Variants in POU1F1 observed in about 807,000 individuals in gnomAD.
POU1F1 encodes pituitary-specific positive transcription factor 1.
Under a neutral mutation model 32.3 loss-of-function variants are expected in POU1F1, and 23 were observed. That is an observed-to-expected ratio of 0.71 (90% confidence interval 0.51 to 1.01). The LOEUF (loss-of-function observed/expected upper bound fraction) is 1.01. Ranked by LOEUF, POU1F1 falls within the 50% of genes least tolerant of loss-of-function variation. The pLI is 0.00. For synonymous variants in POU1F1, 120 were observed against 115.6 expected (o/e 1.04, Z -0.25); for missense variants, 323 against 341.6 (o/e 0.95, Z 0.43).
At chr3:87,263,952 T>C (rs999453154) in intron 3 of POU1F1, among the ~76,000 whole-genome samples, 1 of 151,964 alleles carries the variant, frequency 6.6e-6, no homozygotes, top group Non-Finnish European at 1.5e-5. Context: ...GCAGAAGGGA[T>C]ACATGTCACT....
Position 87,266,253 on chromosome 3 carries a change from T to G in POU1F1, c.215-1741A>C, listed in dbSNP as rs192692461. Among the ~76,000 whole-genome samples, 989 of 146,554 alleles carry G rather than the reference T, an allele frequency of 6.7e-3. 10 individuals are homozygous for G. Among genetic ancestry groups the G allele is most frequent in the African/African-American group, 0.023 (935 of 40,514 alleles). On this transcript the variant is annotated intron_variant, in intron 2 of 5. Coordinates refer to ENST00000350375, the MANE Select transcript of POU1F1 (RefSeq NM_000306.4). ...TTAATTTATTTATATAAAATTTATATTTTATATAAATTTAATTTAATGTAT... is the reference window on the plus strand; with the variant it reads ...TTAATTTATTTATATAAAATTTATAGTTTATATAAATTTAATTTAATGTAT...
At chr3:87,272,797 C>A (rs1706751305) in intron 2 of POU1F1, among the ~76,000 whole-genome samples, 1 of 152,160 alleles carries the variant, frequency 6.6e-6, no homozygotes, top group Non-Finnish European at 1.5e-5. Flanking sequence ...CTCTTAGCTT[C>A]AATCAATGTC....
intron 4 of POU1F1, 108 bp from the exon 5 acceptor site, chr3:87,261,441 T>C: frequency 2.3e-6 from 2 of 857,500 alleles, no homozygotes; most frequent in South Asian, 3.3e-5. Flanking sequence ...AAAATAAAAA[T>C]GCTAGACATT....
intron 2 of POU1F1, among the ~76,000 whole-genome samples, chr3:87,264,957 G>T (rs1003568607): frequency 6.6e-6 from 1 of 151,966 alleles, no homozygotes. Context: ...TAAATGCTTC[G>T]GCTAAGTGCT....
chr3:87,264,396 G>C lies in POU1F1; in HGVS notation c.331C>G (p.Leu111Val), dbSNP rs1188058957. The C allele has an allele frequency of 2.5e-6, 4 of 1,613,612 alleles. No individual in the cohort carries two copies. In the African/African-American group the frequency reaches 5.3e-5, roughly 22 times the overall value. Residue 111 changes from leucine (L) to valine (V), a missense_variant, in exon 3 of 6, where the codon CTC (leucine) becomes GTC (valine). Physicochemically the swap from Leu to Val is conservative, Grantham distance 32. Transcript: ENST00000350375. ...DPTAADFKQELRRKSKLVEEP... is the reference protein window; with the variant it reads ...DPTAADFKQEVRRKSKLVEEP... ...TCCACCAATTTACTTTTCCGCCTGA[G>C]TTCCTGCTTGAAATCAGCAGCTGTG...
intron 3 of POU1F1, among the ~76,000 whole-genome samples, chr3:87,262,846 G>A (rs1054603261): frequency 3.3e-5 from 5 of 151,784 alleles, no homozygotes; most frequent in African/African-American, 9.7e-5. Flanking sequence ...ATTGTTTGTC[G>A]CAAACATTTT....
rs945106854 is a variant in POU1F1 at position 87,267,270 on chromosome 3, A to G, written c.215-2758T>C. 5.3e-5 allele frequency among the ~76,000 whole-genome samples: 8 copies of G among 152,266 alleles called. No homozygotes were observed. In the South Asian group the frequency reaches 6.2e-4, roughly 12 times the overall value. Reference sequence around the variant, plus strand: ...CCTTATACAAAAAATGAGTCAGGAAAGATATATATTTTTCCCCATAATTTA... The same window carrying G: ...CCTTATACAAAAAATGAGTCAGGAAGGATATATATTTTTCCCCATAATTTA... On this transcript the variant is annotated intron_variant, in intron 2 of 5. Transcript: ENST00000350375.
chr3:87,266,310 A>G (rs1407355172), intron 2 of POU1F1, among the ~76,000 whole-genome samples: 2 of 146,558 alleles, frequency 1.4e-5, no homozygotes, highest in Non-Finnish European at 3.0e-5. Flanking sequence ...TTAATGTATT[A>G]TTTATATAAA....
intron 5 of POU1F1, 147 bp downstream of exon 5, chr3:87,261,126 G>T: frequency 1.7e-6 from 1 of 597,634 alleles, no homozygotes; most frequent in Non-Finnish European, 3.0e-6. Context: ...GGCCAGACTG[G>T]TCTCGAGCTC....
chr3:87,259,627 G>A lies in POU1F1; in HGVS notation c.*267C>T, dbSNP rs1343605924. Reference sequence around the variant, plus strand: ...TCTGCGTGTGTGTGAGAAAGAGAGCGGGAGAGACAGAGAGATCATTTTATT... The same window carrying A: ...TCTGCGTGTGTGTGAGAAAGAGAGCAGGAGAGACAGAGAGATCATTTTATT... On this transcript the variant is annotated 3_prime_UTR_variant, in exon 6 of 6. Transcript: ENST00000350375. 1.7e-5 allele frequency: 7 copies of A among 416,724 alleles called. No homozygotes were observed. The highest frequency in any genetic ancestry group is 7.9e-5 in the Admixed American group (2 of 25,206). The allele number at this position is 416,724 out of a possible 1,614,324, so 25.8% of individuals were successfully genotyped here. A position where few individuals can be genotyped will look rare whatever the true frequency, so the allele number is the denominator to read the frequency against.
chr3:87,261,296 T>A lies in POU1F1; in HGVS notation c.642A>T (p.Lys214Asn). Residue 214 changes from lysine to asparagine, a missense_variant, in exon 5 of 6, where the codon AAA becomes AAT. Transcript: ENST00000350375. The stretch of plus-strand genomic sequence containing the variant: ...ACCTTATAGTTGTTCTTCGTTTTCT[T>A]TTCCTTTCATTTGCTCCCACTTTTT... ...YNEKVGANER[K>N]RKRRTTISIA... is the part of the protein sequence containing the mutation. 2 of 1,590,090 alleles carry A rather than the reference T, an allele frequency of 1.3e-6. No individual in the cohort carries two copies. The highest frequency in any genetic ancestry group is 1.7e-6 in the Non-Finnish European group (2 of 1,163,108).
intron 1 of POU1F1, among the ~76,000 whole-genome samples, chr3:87,274,173 G>T (rs1418806663): frequency 6.6e-6 from 1 of 152,004 alleles, no homozygotes; most frequent in Non-Finnish European, 1.5e-5. Flanking sequence ...TATCCATAAA[G>T]CCATAAAGCC....
At chr3:87,274,690 G>A (rs1341037249) in intron 1 of POU1F1, among the ~76,000 whole-genome samples, 1 of 151,396 alleles carries the variant, frequency 6.6e-6, no homozygotes, top group African/African-American at 2.4e-5. Context: ...ATACTCAAGT[G>A]TTCCCATTAA....
intron 2 of POU1F1, among the ~76,000 whole-genome samples, chr3:87,265,926 GTAAT>G (rs979656239): frequency 6.6e-6 from 1 of 151,276 alleles, no homozygotes; most frequent in Non-Finnish European, 1.5e-5. Context: ...AAAATATTGA[GTAAT>G]TAATCATTTT....
rs752983390 is a variant in POU1F1 at position 87,261,340 on chromosome 3, T to C, written c.605-7A>G. On this transcript the variant is annotated splice_region_variant and splice_polypyrimidine_tract_variant and intron_variant, in intron 4 of 5. Transcript: ENST00000350375. Reference sequence around the variant, plus strand: ...ACTTTTTCATTGTACAAAGCTATAATGTGGAAAAGAGAGATAATTACAAAC... The same window carrying C: ...ACTTTTTCATTGTACAAAGCTATAACGTGGAAAAGAGAGATAATTACAAAC... 24 of 1,584,230 alleles carry C rather than the reference T, an allele frequency of 1.5e-5. No homozygotes were observed. The highest frequency in any genetic ancestry group is 6.8e-5 in the Admixed American group (4 of 58,988).
intron 4 of POU1F1, among the ~76,000 whole-genome samples, chr3:87,261,708 CA>C (rs1287172978): frequency 1.3e-5 from 2 of 152,020 alleles, no homozygotes; most frequent in African/African-American, 4.8e-5. Flanking sequence ...CTGGTGTGTG[CA>C]AATGTTTTGT....
At chr3:87,265,382 G>T (rs977092913) in intron 2 of POU1F1, among the ~76,000 whole-genome samples, 2 of 152,024 alleles carry the variant, frequency 1.3e-5, no homozygotes, top group Admixed American at 6.6e-5. Flanking sequence ...ATGTAAAAAG[G>T]TCTGAAATTA....
chr3:87,272,583 G>A (rs1050973349), intron 2 of POU1F1, among the ~76,000 whole-genome samples: 1 of 152,036 alleles, frequency 6.6e-6, no homozygotes, highest in Non-Finnish European at 1.5e-5. Flanking sequence ...CCAGATCTAC[G>A]CATTCCTCAA....
In POU1F1 at chr3:87,276,457, A is replaced by G. The variant is rs201156427; in HGVS notation, c.6T>C (p.Ser2=). 24 of 1,613,652 alleles carry G rather than the reference A, an allele frequency of 1.5e-5. No homozygotes were observed. The East Asian group carries it at 5.4e-4, about 36-fold the overall frequency. The change falls in exon 1 of 6, where the codon AGT becomes AGC. Residue 2 remains serine (S), a synonymous_variant. Coordinates refer to ENST00000350375, the MANE Select transcript of POU1F1 (RefSeq NM_000306.4). M[S]CQAFTSADTF... is the part of the protein sequence containing the mutation. ...TATCAGCCGAAGTAAAAGCTTGGCA[A>G]CTCATTCCCACAAGAGAGTAGAAAA...
Sources: allele counts gnomAD v4.1 joint callset (sites outside exome capture counted in the v4.1 genomes callset), GRCh38; gene constraint gnomAD v4.1.1; transcripts MANE v1.5; gene names NCBI Gene and HGNC (gene_info 2026-07-23, HGNC 2026-07-21).